The following GRHL2 variants were observed in gnomAD, a reference collection of about 807,000 sequenced individuals.
GRHL2 encodes grainyhead-like protein 2 homolog.
In GRHL2, 21 loss-of-function variants were observed where a neutral mutation model predicts 83.8. The ratio of observed to expected loss-of-function variants is 0.25; its 90% CI spans 0.18 to 0.36. The LOEUF (loss-of-function observed/expected upper bound fraction) is 0.36, where lower values mean the gene tolerates loss of function less well. GRHL2 is among the 10% of genes least tolerant of loss of function. The pLI is 1.00. For synonymous variants in GRHL2, 280 were observed against 278.9 expected (o/e 1.00, Z -0.04); for missense variants, 623 against 781.8 (o/e 0.80, Z 2.42).
chr8:101,626,583 A>C (rs1813084523), intron 9 of GRHL2, among the ~76,000 whole-genome samples: 1 of 152,054 alleles, frequency 6.6e-6, no homozygotes, highest in Non-Finnish European at 1.5e-5. Context: ...GTGTTAAATA[A>C]AAAACAAAGA....
chr8:101,513,583 C>A (rs1810510060), intron 1 of GRHL2, among the ~76,000 whole-genome samples: 1 of 141,684 alleles, frequency 7.1e-6, no homozygotes, highest in Non-Finnish European at 1.5e-5. Context: ...CAACCTCCAC[C>A]TCCTGGGTTC....
intron 5 of GRHL2, among the ~76,000 whole-genome samples, chr8:101,571,295 A>T (rs975518813): frequency 2.2e-4 from 33 of 152,270 alleles, no homozygotes; most frequent in Admixed American, 2.0e-3. Context: ...GAAAGAAGGA[A>T]GATTAAGAAC....
intron 1 of GRHL2, among the ~76,000 whole-genome samples, chr8:101,533,531 G>C (rs765534326): frequency 6.6e-6 from 1 of 152,300 alleles, no homozygotes; most frequent in South Asian, 2.1e-4. Context: ...TCTAGCGGAG[G>C]TAGACACACA....
intron 12 of GRHL2, 107 bp from the exon 13 acceptor site, chr8:101,644,024 C>T: frequency 1.0e-6 from 1 of 953,694 alleles, no homozygotes; most frequent in Non-Finnish European, 1.7e-6. Flanking sequence ...AGTTACGGAG[C>T]ATAGGGACGG....
At chr8:101,616,840 T>A (rs1812867491) in intron 8 of GRHL2, among the ~76,000 whole-genome samples, 1 of 152,224 alleles carries the variant, frequency 6.6e-6, no homozygotes, top group Non-Finnish European at 1.5e-5. Context: ...CTTGTGTGGA[T>A]GTTTACAGAC....
At chr8:101,661,128 TA>T (rs1166832759) in intron 14 of GRHL2, among the ~76,000 whole-genome samples, 6 of 152,016 alleles carry the variant, frequency 3.9e-5, no homozygotes, top group Non-Finnish European at 5.9e-5. Flanking sequence ...ACATTATGAA[TA>T]TTTTTTTGCA....
chr8:101,617,302 C>T (rs1345574844), intron 8 of GRHL2, among the ~76,000 whole-genome samples: 1 of 152,146 alleles, frequency 6.6e-6, no homozygotes, highest in African/African-American at 2.4e-5. Flanking sequence ...GCCCTGTCAT[C>T]TGGCCTGATT....
intron 1 of GRHL2, among the ~76,000 whole-genome samples, chr8:101,517,611 A>G (rs1024812045): frequency 2.0e-5 from 3 of 152,226 alleles, no homozygotes; most frequent in Non-Finnish European, 2.9e-5. Flanking sequence ...GAGTCTGTGT[A>G]GTTAAAAAAA....
At chr8:101,558,921 C>T (rs1811546495) in intron 4 of GRHL2, 109 bp downstream of exon 4, 1 of 1,206,242 alleles carries the variant, frequency 8.3e-7, no homozygotes, top group Non-Finnish European at 1.2e-6. Context: ...CAAGTTTTAG[C>T]TTCAATTAGT....
At chr8:101,528,040 C>A (rs996314235) in intron 1 of GRHL2, among the ~76,000 whole-genome samples, 1 of 152,184 alleles carries the variant, frequency 6.6e-6, no homozygotes, top group Non-Finnish European at 1.5e-5. Context: ...TCCAACACTT[C>A]GGTGCCTTGC....
chr8:101,617,633 T>C (rs1812882310), intron 8 of GRHL2, among the ~76,000 whole-genome samples: 1 of 152,158 alleles, frequency 6.6e-6, no homozygotes, highest in Non-Finnish European at 1.5e-5. Context: ...GCCTCCCAAG[T>C]AGCTGGGACT....
chr8:101,550,646 T>A (rs930212027), intron 2 of GRHL2, among the ~76,000 whole-genome samples: 2 of 152,244 alleles, frequency 1.3e-5, no homozygotes, highest in Admixed American at 1.3e-4. Context: ...TTATTAAGTG[T>A]CCAGTTCTGT....
At chr8:101,610,882 A>G (rs952363747) in intron 8 of GRHL2, among the ~76,000 whole-genome samples, 1 of 150,966 alleles carries the variant, frequency 6.6e-6, no homozygotes, top group Non-Finnish European at 1.5e-5. Flanking sequence ...TCAGAAAGCC[A>G]ACATAACCGA....
intron 14 of GRHL2, among the ~76,000 whole-genome samples, chr8:101,653,435 T>TACTC (rs1813714971): frequency 6.6e-6 from 1 of 152,164 alleles, no homozygotes; most frequent in Admixed American, 6.5e-5. Flanking sequence ...CATAGTCCCC[T>TACTC]ACTCATTACT....
At chr8:101,500,636 G>A (rs369553717) in intron 1 of GRHL2, among the ~76,000 whole-genome samples, 4 of 152,104 alleles carry the variant, frequency 2.6e-5, no homozygotes, top group East Asian at 1.9e-4. Flanking sequence ...AGCCTCCTGA[G>A]TAGCTGGGAC....
chr8:101,566,858 A>G (rs920701248), intron 4 of GRHL2, among the ~76,000 whole-genome samples: 2 of 151,792 alleles, frequency 1.3e-5, no homozygotes, highest in African/African-American at 2.4e-5. Flanking sequence ...GTAGTTTTTA[A>G]AATATTTGAT....
chr8:101,644,700 G>A (rs998022544), intron 13 of GRHL2, among the ~76,000 whole-genome samples: 8 of 152,166 alleles, frequency 5.3e-5, no homozygotes, highest in African/African-American at 1.7e-4. Flanking sequence ...GCTTGACTGT[G>A]CCCATGTCTT....
Position 101,577,612 on chromosome 8 carries a change from G to T in GRHL2, c.1003+93G>T, listed in dbSNP as rs1310278737. 4 of 829,288 alleles carry T rather than the reference G, an allele frequency of 4.8e-6. No individual in the cohort carries two copies. The Admixed American group carries it at 7.9e-5, about 16-fold the overall frequency. 51.4% of individuals were successfully genotyped at this position (829,288 alleles called of 1,614,324 possible). ...GCCTGGCGTAGTAATCACAGCTGGA[G>T]CCACAGAGCTCTTATGATGTGCCCG... is the stretch of plus-strand genomic sequence containing the variant. On this transcript the variant is annotated intron_variant, in intron 7 of 15. Coordinates refer to ENST00000646743, the MANE Select transcript of GRHL2 (RefSeq NM_024915.4).
At chr8:101,518,448 G>T (rs1810616474) in intron 1 of GRHL2, among the ~76,000 whole-genome samples, 1 of 152,160 alleles carries the variant, frequency 6.6e-6, no homozygotes. Flanking sequence ...CCTAGTATAG[G>T]GATGGGCAGC....
Sources: allele counts gnomAD v4.1 joint callset (sites outside exome capture counted in the v4.1 genomes callset), GRCh38; gene constraint gnomAD v4.1.1; transcripts MANE v1.5; gene names NCBI Gene and HGNC (gene_info 2026-07-23, HGNC 2026-07-21).